Variants in DPY19L2 observed in about 807,000 individuals in gnomAD.
DPY19L2 encodes the protein probable C-mannosyltransferase DPY19L2.
Under a neutral mutation model 97.9 loss-of-function variants are expected in DPY19L2, and 34 were observed. The observed-to-expected ratio is 0.35, with a 90% CI of 0.26 to 0.46. The LOEUF is 0.46. Ranked by LOEUF, DPY19L2 falls within the 20% of genes least tolerant of loss-of-function variation. The probability of loss-of-function intolerance (pLI) is 1.00; values close to 1 mark genes in which losing one functional copy is unlikely to be tolerated. For missense variants in DPY19L2, 623 were observed against 911.4 expected, an observed-to-expected ratio of 0.68 and a Z score of 4.07; for synonymous variants, 230 against 307.9, an observed-to-expected ratio of 0.75 and a Z score of 2.65.
intron 2 of DPY19L2, 82 bp from the exon 3 acceptor site, chr12:63,663,927 A>G: frequency 1.1e-6 from 1 of 880,054 alleles, no homozygotes; most frequent in East Asian, 2.7e-5. Context: ...AAGCCATAAA[A>G]AAGAAAACAA....
intron 6 of DPY19L2, among the ~76,000 whole-genome samples, chr12:63,641,034 A>C (rs1330909246): frequency 6.6e-6 from 1 of 151,922 alleles, no homozygotes; most frequent in Non-Finnish European, 1.5e-5. Context: ...CTGGGACTAC[A>C]GGCGCCCGCC....
intron 16 of DPY19L2, among the ~76,000 whole-genome samples, chr12:63,589,917 T>G (rs1882592210): frequency 6.6e-6 from 1 of 152,130 alleles, no homozygotes; most frequent in Non-Finnish European, 1.5e-5. Flanking sequence ...TCACTTGAGT[T>G]CAGGAGTTCG....
chr12:63,577,635 C>T (rs1346747539), intron 19 of DPY19L2, among the ~76,000 whole-genome samples: 2 of 152,038 alleles, frequency 1.3e-5, no homozygotes, highest in South Asian at 2.1e-4. Flanking sequence ...AGACATTTCT[C>T]GAAAGAAAAC....
chr12:63,614,655 C>A (rs980449167), intron 11 of DPY19L2, among the ~76,000 whole-genome samples: 1 of 152,022 alleles, frequency 6.6e-6, no homozygotes, highest in Middle Eastern at 3.4e-3. Flanking sequence ...TTGAGACCCA[C>A]AAGAAACAAA....
At position 63,620,462 on chromosome 12, in the gene DPY19L2, T is replaced by C. The variant is rs536716690; in HGVS notation, c.1053+776A>G. On this transcript the variant is annotated intron_variant, in intron 9 of 21. Coordinates refer to ENST00000324472, the MANE Select transcript of DPY19L2 (RefSeq NM_173812.5). ...AAATCTATAGGTAGATATATACAGA[T>C]ATTATCTCAAACACCAAAAATAACA... is the stretch of plus-strand genomic sequence containing the variant. Among the ~76,000 whole-genome samples the C allele has an allele frequency of 3.3e-5, 5 of 152,272 alleles. No homozygotes were observed. In the East Asian group the frequency reaches 9.7e-4, roughly 29 times the overall value.
rs1888645050 is a variant in DPY19L2, at chr12:63,621,227, A to G, written c.1053+11T>C. On this transcript the variant is annotated intron_variant, in intron 9 of 21. Transcript: ENST00000324472. ...AATAAAAATAAAAATTAATTTAAAA[A>G]ATCATCTTACCTGTGTAAAAAGTAT... The G allele has an allele frequency of 2.1e-6, 2 of 941,422 alleles. No individual in the cohort carries two copies. The highest frequency in any genetic ancestry group is 3.0e-5 in the South Asian group (2 of 66,518). 58.3% of individuals were successfully genotyped at this position (941,422 alleles called of 1,614,324 possible). A position where few individuals can be genotyped will look rare whatever the true frequency, so the allele number is the denominator to read the frequency against.
Position 63,592,728 on chromosome 12 carries a change from G to A in DPY19L2, c.1580+1359C>T, listed in dbSNP as rs1307952439. Among the ~76,000 whole-genome samples the A allele has an allele frequency of 3.8e-4, 57 of 148,954 alleles. 1 individual carries two copies. In the East Asian group the frequency reaches 0.011, roughly 28 times the overall value. On this transcript the variant is annotated intron_variant, in intron 16 of 21. Transcript: ENST00000324472. ...CATTACCATTCAGGACATAGGCATGGGCAAGGACTTCATGTCTAAAACACC... is the reference window on the plus strand; with the variant it reads ...CATTACCATTCAGGACATAGGCATGAGCAAGGACTTCATGTCTAAAACACC...
At position 63,559,511 on chromosome 12, in the gene DPY19L2, T is replaced by C. The variant is rs559475596; in HGVS notation, c.*1001A>G. ...CACTTTTCAAAGCACTATTGTTGGG[T>C]AGGTTTTATTAGGGGAGAGGACTTA... is the stretch of plus-strand genomic sequence containing the variant. On this transcript the variant is annotated 3_prime_UTR_variant, in exon 22 of 22. Transcript: ENST00000324472. The C allele has an allele frequency of 7.2e-5, 11 of 152,686 alleles. No individual in the cohort carries two copies. The South Asian group carries it at 2.3e-3, about 32-fold the overall frequency. 9.5% of individuals were successfully genotyped at this position (152,686 alleles called of 1,614,324 possible).
chr12:63,630,880 G>C (rs1304536363), intron 6 of DPY19L2, among the ~76,000 whole-genome samples: 1 of 152,140 alleles, frequency 6.6e-6, no homozygotes, highest in Non-Finnish European at 1.5e-5. Flanking sequence ...TCAGACGGCA[G>C]TGCAATCAAA....
At chr12:63,636,672 T>C (rs1027566370) in intron 6 of DPY19L2, among the ~76,000 whole-genome samples, 3 of 151,708 alleles carry the variant, frequency 2.0e-5, no homozygotes, top group Non-Finnish European at 4.4e-5. Flanking sequence ...CCAACAAAGA[T>C]AAAAAGAGAC....
At position 63,626,530 on chromosome 12, in the gene DPY19L2, T is replaced by A. The variant is rs1218758054; in HGVS notation, c.804-4A>T. The A allele has an allele frequency of 4.2e-5, 56 of 1,347,648 alleles. No homozygotes were observed. Among genetic ancestry groups the A allele is most frequent in the South Asian group, 1.2e-4 (8 of 67,022 alleles). 83.5% of individuals were successfully genotyped at this position (1,347,648 alleles called of 1,614,324 possible). On this transcript the variant is annotated splice_region_variant and splice_polypyrimidine_tract_variant and intron_variant, in intron 6 of 21. Coordinates refer to ENST00000324472, the MANE Select transcript of DPY19L2 (RefSeq NM_173812.5). ...AAGACCTCCCAGTTGAGTCCCACTG[T>A]AAAAAAAAAACAAAAAAAACAGAGA...
intron 3 of DPY19L2, 98 bp from the exon 4 acceptor site, chr12:63,661,579 AG>A (rs56094111): frequency 2.0e-6 from 2 of 1,011,738 alleles, no homozygotes; most frequent in South Asian, 4.0e-5. Flanking sequence ...AAAAAAAAAA[AG>A]GTTAATAATA....
chr12:63,604,967 T>G (rs1885791843), intron 12 of DPY19L2, among the ~76,000 whole-genome samples: 1 of 152,158 alleles, frequency 6.6e-6, no homozygotes, highest in African/African-American at 2.4e-5. Flanking sequence ...TATTTTAAAT[T>G]TCTATTTCAG....
intron 4 of DPY19L2, among the ~76,000 whole-genome samples, chr12:63,647,849 T>C (rs1893638931): frequency 6.6e-6 from 1 of 152,150 alleles, no homozygotes; most frequent in Non-Finnish European, 1.5e-5. Flanking sequence ...CCATAACTTA[T>C]ATGGTTATGA....
intron 19 of DPY19L2, among the ~76,000 whole-genome samples, chr12:63,579,518 TA>T (rs1218512254): frequency 1.3e-5 from 2 of 152,140 alleles, no homozygotes; most frequent in African/African-American, 4.8e-5. Flanking sequence ...GCAGTTATCT[TA>T]GAAGGATAAG....
rs554321914 is a variant in DPY19L2, at chr12:63,642,709, A to G, written c.803+1694T>C. On this transcript the variant is annotated intron_variant, in intron 6 of 21. Coordinates refer to ENST00000324472, the MANE Select transcript of DPY19L2 (RefSeq NM_173812.5). ...CATAGTGTCTTTTTACATTAGCTTC[A>G]TAATACAGCAACAATTGATAGTGCA... Among the ~76,000 whole-genome samples the G allele has an allele frequency of 2.3e-4, 35 of 151,920 alleles. 1 individual carries two copies. The highest frequency in any genetic ancestry group is 8.2e-4 in the African/African-American group (34 of 41,418).
chr12:63,665,739 A>G, intron 2 of DPY19L2, 96 bp downstream of exon 2: 3 of 1,041,742 alleles, frequency 2.9e-6, no homozygotes. Flanking sequence ...TGTTCTACAA[A>G]TATAGCCAGA....
At chr12:63,605,609 C>A (rs1885905964) in intron 12 of DPY19L2, among the ~76,000 whole-genome samples, 1 of 152,272 alleles carries the variant, frequency 6.6e-6, no homozygotes, top group African/African-American at 2.4e-5. Context: ...CCACTCAGGT[C>A]TTGGTTTCCA....
intron 16 of DPY19L2, among the ~76,000 whole-genome samples, chr12:63,585,287 G>A (rs1225791532): frequency 6.6e-6 from 1 of 152,096 alleles, no homozygotes; most frequent in Non-Finnish European, 1.5e-5. Flanking sequence ...GGATTTTGGG[G>A]GTGAAGAGAG....
Sources: gnomAD v4.1 joint callset for allele counts (sites outside exome capture counted in the v4.1 genomes callset) on GRCh38, gnomAD v4.1.1 for gene constraint, MANE v1.5 for transcripts, NCBI Gene and HGNC (gene_info 2026-07-23, HGNC 2026-07-21) for gene names.